Variants in OR4C15 observed in about 807,000 individuals in gnomAD.
The protein encoded by OR4C15 is olfactory receptor 4C15.
For missense variants in OR4C15, 697 were observed against 377.5 expected (o/e 1.85, Z -7.01); for synonymous variants, 216 against 134.0 (o/e 1.61, Z -4.22).
At position 55,555,190 on chromosome 11, in the gene OR4C15, C is replaced by G. The variant is rs767743476; in HGVS notation, c.722C>G (p.Ser241Cys). The change falls in exon 1 of 1, where the codon TCT (serine) becomes TGT (cysteine). Residue 241 changes from serine to cysteine, a missense_variant. By Grantham distance (112) the Ser-to-Cys change is moderately radical (BLOSUM62 -1). Coordinates refer to ENST00000642128, the MANE Select transcript of OR4C15 (RefSeq NM_001001920.3). Reference protein sequence around the residue: ...GRWKALSTCGSHIAVVILFFV... With the variant: ...GRWKALSTCGCHIAVVILFFV... ...TGGAAAGCTCTCTCCACCTGTGGATCTCACATTGCTGTTGTGATTTTGTTC... is the reference window on the plus strand; with the variant it reads ...TGGAAAGCTCTCTCCACCTGTGGATGTCACATTGCTGTTGTGATTTTGTTC... 1 of 1,613,962 alleles carries G rather than the reference C, an allele frequency of 6.2e-7. No individual in the cohort carries two copies. Among genetic ancestry groups the G allele is most frequent in the Non-Finnish European group, 8.5e-7 (1 of 1,179,932 alleles).
Position 55,554,723 on chromosome 11 carries a change from C to G in OR4C15, c.255C>G (p.Leu85=), listed in dbSNP as rs1285865305. 1 of 1,613,678 alleles carries G rather than the reference C, an allele frequency of 6.2e-7. No individual in the cohort carries two copies. The highest frequency in any genetic ancestry group is 8.5e-7 in the Non-Finnish European group (1 of 1,179,922). ...CCCCAAAGATGATTGTAGACTCCCT[C>G]TATGTGACAAAAACCATCTCTTTTG... The part of the protein sequence containing the change: ...VITPKMIVDS[L]YVTKTISFEG... The change falls in exon 1 of 1, where the codon CTC becomes CTG. Residue 85 remains leucine, a synonymous_variant. Transcript: ENST00000642128.
chr11:55,554,623 C>T lies in OR4C15; in HGVS notation c.155C>T (p.Ala52Val), dbSNP rs17496724. The T allele has an allele frequency of 6.2e-7, 1 of 1,613,814 alleles. No individual in the cohort carries two copies. Among genetic ancestry groups the T allele is most frequent in the Non-Finnish European group, 8.5e-7 (1 of 1,179,926 alleles). ...LIVVTILSSP[A>V]LLVSPMYFFL... Reference sequence around the variant, plus strand: ...GTAGTAACCATTCTCAGCAGCCCTGCTCTTCTGGTGTCTCCTATGTACTTC... The same window carrying T: ...GTAGTAACCATTCTCAGCAGCCCTGTTCTTCTGGTGTCTCCTATGTACTTC... The change falls in exon 1 of 1, where the codon GCT becomes GTT. Residue 52 changes from alanine (A) to valine (V), a missense_variant. Transcript: ENST00000642128.
In OR4C15 at chr11:55,554,751, G is replaced by C. The variant is rs757824020; in HGVS notation, c.283G>C (p.Gly95Arg). 2.5e-6 allele frequency: 4 copies of C among 1,613,786 alleles called. No homozygotes were observed. Among genetic ancestry groups the C allele is most frequent in the Non-Finnish European group, 3.4e-6 (4 of 1,179,928 alleles). Residue 95 changes from glycine (G) to arginine (R), a missense_variant, in exon 1 of 1, where the codon GGC becomes CGC. Physicochemically the swap from Gly to Arg is moderately radical, Grantham distance 125 (BLOSUM62 -2). Transcript: ENST00000642128. ...LYVTKTISFE[G>R]CMMQLFAEHF... ...TGTGACAAAAACCATCTCTTTTGAAGGCTGCATGATGCAGCTCTTTGCTGA... is the reference window on the plus strand; with the variant it reads ...TGTGACAAAAACCATCTCTTTTGAACGCTGCATGATGCAGCTCTTTGCTGA...
chr11:55,554,694 A>G lies in OR4C15; in HGVS notation c.226A>G (p.Ile76Val), dbSNP rs367746369. The change falls in exon 1 of 1, where the codon ATC becomes GTC. Residue 76 changes from isoleucine (I) to valine (V), a missense_variant. Ile to Val is a conservative substitution (Grantham distance 29, BLOSUM62 3). Coordinates refer to ENST00000642128, the MANE Select transcript of OR4C15 (RefSeq NM_001001920.3). ...SFLDACFSSV[I>V]TPKMIVDSLY... ...CCTGGATGCGTGCTTCTCATCTGTC[A>G]TCACCCCAAAGATGATTGTAGACTC... 72 of 1,613,272 alleles carry G rather than the reference A, an allele frequency of 4.5e-5. No individual in the cohort carries two copies. The highest frequency in any genetic ancestry group is 5.2e-5 in the Non-Finnish European group (61 of 1,179,938).
At position 55,555,175 on chromosome 11, in the gene OR4C15, T is replaced by C. The variant is rs771739844; in HGVS notation, c.707T>C (p.Leu236Pro). 116 of 1,613,880 alleles carry C rather than the reference T, an allele frequency of 7.2e-5. 1 individual carries two copies. The Admixed American group carries it at 1.9e-3, about 27-fold the overall frequency. ...THSSEGRWKA[L>P]STCGSHIAVV... ...AGTTCTGAAGGGCGCTGGAAAGCTCTCTCCACCTGTGGATCTCACATTGCT... is the reference window on the plus strand; with the variant it reads ...AGTTCTGAAGGGCGCTGGAAAGCTCCCTCCACCTGTGGATCTCACATTGCT... Residue 236 changes from leucine (L) to proline (P), a missense_variant, in exon 1 of 1, where the codon CTC becomes CCC. By Grantham distance (98) the Leu-to-Pro change is moderately conservative. Transcript: ENST00000642128.
At position 55,554,812 on chromosome 11, in the gene OR4C15, C is replaced by A. The variant is rs747177323; in HGVS notation, c.344C>A (p.Thr115Lys). ...FFAGVEVIVL[T>K]AMAYDRYVAI... ...GCTGGGGTGGAGGTGATTGTCCTCA[C>A]AGCCATGGCCTATGATCGTTATGTG... is the stretch of plus-strand genomic sequence containing the variant. Residue 115 changes from threonine (T) to lysine (K), a missense_variant, in exon 1 of 1, where the codon ACA becomes AAA. By Grantham distance (78) the Thr-to-Lys change is moderately conservative. Coordinates refer to ENST00000642128, the MANE Select transcript of OR4C15 (RefSeq NM_001001920.3). 1.9e-6 allele frequency: 3 copies of A among 1,614,002 alleles called. No homozygotes were observed. The highest frequency in any genetic ancestry group is 2.5e-6 in the Non-Finnish European group (3 of 1,179,960).
Position 55,555,212 on chromosome 11 carries a change from G to A in OR4C15, c.744G>A (p.Leu248=). The change falls in exon 1 of 1, where the codon TTG becomes TTA. Residue 248 remains leucine, a synonymous_variant. Transcript: ENST00000642128. ...GATCTCACATTGCTGTTGTGATTTT[G>A]TTCTTTGTCCCATGCATATTTGTAT... The part of the protein sequence containing the change: ...TCGSHIAVVI[L]FFVPCIFVYT... 6.2e-7 allele frequency: 1 copy of A among 1,613,848 alleles called. No individual in the cohort carries two copies. The highest frequency in any genetic ancestry group is 8.5e-7 in the Non-Finnish European group (1 of 1,179,912).
Position 55,555,309 on chromosome 11 carries a change from C to A in OR4C15, c.841C>A (p.Leu281Ile), listed in dbSNP as rs141977796. 1.2e-6 allele frequency: 2 copies of A among 1,613,710 alleles called. No homozygotes were observed. Among genetic ancestry groups the A allele is most frequent in the African/African-American group, 2.7e-5 (2 of 74,870 alleles). Residue 281 changes from leucine to isoleucine, a missense_variant, in exon 1 of 1, where the codon CTC becomes ATC. Coordinates refer to ENST00000642128, the MANE Select transcript of OR4C15 (RefSeq NM_001001920.3). ...ATTTTATATCATCTTAAATCCCTTG[C>A]TCAATCCTTTGATTTACACTTTCAG... ...AIFYIILNPL[L>I]NPLIYTFRNK...
rs746819415 is a variant in OR4C15, at chr11:55,555,217, T to C, written c.749T>C (p.Phe250Ser). Residue 250 changes from phenylalanine (F) to serine (S), a missense_variant, in exon 1 of 1, where the codon TTT (phenylalanine) becomes TCT (serine). By Grantham distance (155) the Phe-to-Ser change is radical. Coordinates refer to ENST00000642128, the MANE Select transcript of OR4C15 (RefSeq NM_001001920.3). ...GSHIAVVILF[F>S]VPCIFVYTRP... ...CACATTGCTGTTGTGATTTTGTTCT[T>C]TGTCCCATGCATATTTGTATATACA... 2 of 1,613,850 alleles carry C rather than the reference T, an allele frequency of 1.2e-6. No individual in the cohort carries two copies. Among genetic ancestry groups the C allele is most frequent in the Non-Finnish European group, 1.7e-6 (2 of 1,179,948 alleles).
rs1361645801 is a variant in OR4C15, at chr11:55,555,320, G to C, written c.852G>C (p.Leu284Phe). The change falls in exon 1 of 1, where the codon TTG becomes TTC. Residue 284 changes from leucine (L) to phenylalanine (F), a missense_variant. By Grantham distance (22) the Leu-to-Phe change is conservative. Transcript: ENST00000642128. ...YIILNPLLNP[L>F]IYTFRNKEVK... is the part of the protein sequence containing the mutation. ...TCTTAAATCCCTTGCTCAATCCTTTGATTTACACTTTCAGGAATAAGGAAG... is the reference window on the plus strand; with the variant it reads ...TCTTAAATCCCTTGCTCAATCCTTTCATTTACACTTTCAGGAATAAGGAAG... 3.0e-5 allele frequency: 49 copies of C among 1,613,610 alleles called. No homozygotes were observed. The highest frequency in any genetic ancestry group is 4.2e-5 in the Non-Finnish European group (49 of 1,179,876).
Position 55,555,337 on chromosome 11 carries a change from A to G in OR4C15, c.869A>G (p.Asn290Ser), listed in dbSNP as rs751706897. 25 of 1,613,626 alleles carry G rather than the reference A, an allele frequency of 1.5e-5. No homozygotes were observed. Among genetic ancestry groups the G allele is most frequent in the Non-Finnish European group, 2.0e-5 (24 of 1,179,758 alleles). Reference sequence around the variant, plus strand: ...AATCCTTTGATTTACACTTTCAGGAATAAGGAAGTAAAACAGGCCATGAGG... The same window carrying G: ...AATCCTTTGATTTACACTTTCAGGAGTAAGGAAGTAAAACAGGCCATGAGG... Reference protein sequence around the residue: ...LLNPLIYTFRNKEVKQAMRRI... With the variant: ...LLNPLIYTFRSKEVKQAMRRI... The change falls in exon 1 of 1, where the codon AAT (asparagine) becomes AGT (serine). Residue 290 changes from asparagine (N) to serine (S), a missense_variant. Asn to Ser is a conservative substitution (Grantham distance 46). Transcript: ENST00000642128.
chr11:55,555,183 T>C lies in OR4C15; in HGVS notation c.715T>C (p.Cys239Arg). Residue 239 changes from cysteine to arginine, a missense_variant, in exon 1 of 1, where the codon TGT becomes CGT. Transcript: ENST00000642128. ...SEGRWKALST[C>R]GSHIAVVILF... Reference sequence around the variant, plus strand: ...AGGGCGCTGGAAAGCTCTCTCCACCTGTGGATCTCACATTGCTGTTGTGAT... The same window carrying C: ...AGGGCGCTGGAAAGCTCTCTCCACCCGTGGATCTCACATTGCTGTTGTGAT... The C allele has an allele frequency of 6.2e-7, 1 of 1,613,990 alleles. No homozygotes were observed. Among genetic ancestry groups the C allele is most frequent in the Non-Finnish European group, 8.5e-7 (1 of 1,179,948 alleles).
rs1857129658 is a variant in OR4C15, at chr11:55,555,099, T to A, written c.631T>A (p.Ser211Thr). ...NSGFICIINF[S>T]LLLVSYAVIL... is the part of the protein sequence containing the mutation. Reference sequence around the variant, plus strand: ...TGGGTTTATCTGCATCATAAACTTCTCCTTGTTGCTTGTCTCCTATGCTGT... The same window carrying A: ...TGGGTTTATCTGCATCATAAACTTCACCTTGTTGCTTGTCTCCTATGCTGT... The change falls in exon 1 of 1, where the codon TCC (serine) becomes ACC (threonine). Residue 211 changes from serine (S) to threonine (T), a missense_variant. By Grantham distance (58) the Ser-to-Thr change is moderately conservative. Coordinates refer to ENST00000642128, the MANE Select transcript of OR4C15 (RefSeq NM_001001920.3). 1 of 1,613,964 alleles carries A rather than the reference T, an allele frequency of 6.2e-7. No individual in the cohort carries two copies. The highest frequency in any genetic ancestry group is 1.3e-5 in the African/African-American group (1 of 75,018).
Position 55,554,952 on chromosome 11 carries a change from A to G in OR4C15, c.484A>G (p.Thr162Ala). ...GCATTCCATGATACAAATTCTTTTT[A>G]CTTTCCAGCTTCCCTTTTGTGGCCC... The part of the protein sequence containing the change: ...LLHSMIQILF[T>A]FQLPFCGPNV... Residue 162 changes from threonine (T) to alanine (A), a missense_variant, in exon 1 of 1, where the codon ACT becomes GCT. Coordinates refer to ENST00000642128, the MANE Select transcript of OR4C15 (RefSeq NM_001001920.3). 1 of 1,613,904 alleles carries G rather than the reference A, an allele frequency of 6.2e-7. No homozygotes were observed. The highest frequency in any genetic ancestry group is 1.1e-5 in the South Asian group (1 of 91,074).
Position 55,554,594 on chromosome 11 carries a change from A to G in OR4C15, c.126A>G (p.Leu42=). 6.2e-7 allele frequency: 1 copy of G among 1,613,944 alleles called. No homozygotes were observed. Among genetic ancestry groups the G allele is most frequent in the Non-Finnish European group, 8.5e-7 (1 of 1,179,956 alleles). The stretch of plus-strand genomic sequence containing the variant: ...TTGCAACTGTTGGGGGCAACATGCT[A>G]ATTGTAGTAACCATTCTCAGCAGCC... ...VYIATVGGNM[L]IVVTILSSPA... Residue 42 remains leucine, a synonymous_variant, in exon 1 of 1, where the codon CTA becomes CTG. Coordinates refer to ENST00000642128, the MANE Select transcript of OR4C15 (RefSeq NM_001001920.3).
rs1489585515 is a variant in OR4C15 at position 55,555,152 on chromosome 11, T to C, written c.684T>C (p.Ser228=). 2 of 1,605,372 alleles carry C rather than the reference T, an allele frequency of 1.2e-6. No individual in the cohort carries two copies. Among genetic ancestry groups the C allele is most frequent in the East Asian group, 2.2e-5 (1 of 44,864 alleles). The change falls in exon 1 of 1, where the codon AGT becomes AGC. Residue 228 remains serine, a synonymous_variant. Transcript: ENST00000642128. ...TCTTGCTCTCTCTGAGAACACACAG[T>C]TCTGAAGGGCGCTGGAAAGCTCTCT... ...AVILLSLRTH[S]SEGRWKALST... is the part of the protein sequence containing the mutation.
At position 55,554,622 on chromosome 11, in the gene OR4C15, G is replaced by T. The variant is rs781591991; in HGVS notation, c.154G>T (p.Ala52Ser). 1 of 1,613,846 alleles carries T rather than the reference G, an allele frequency of 6.2e-7. No homozygotes were observed. Among genetic ancestry groups the T allele is most frequent in the Non-Finnish European group, 8.5e-7 (1 of 1,179,958 alleles). ...TGTAGTAACCATTCTCAGCAGCCCT[G>T]CTCTTCTGGTGTCTCCTATGTACTT... ...LIVVTILSSP[A>S]LLVSPMYFFL... Residue 52 changes from alanine (A) to serine (S), a missense_variant, in exon 1 of 1, where the codon GCT (alanine) becomes TCT (serine). Ala to Ser is a moderately conservative substitution (Grantham distance 99). Coordinates refer to ENST00000642128, the MANE Select transcript of OR4C15 (RefSeq NM_001001920.3).
Position 55,554,744 on chromosome 11 carries a change from T to G in OR4C15, c.276T>G (p.Ser92=). The change falls in exon 1 of 1, where the codon TCT becomes TCG. Residue 92 remains serine (S), a synonymous_variant. Transcript: ENST00000642128. ...VDSLYVTKTI[S]FEGCMMQLFA... ...CCCTCTATGTGACAAAAACCATCTCTTTTGAAGGCTGCATGATGCAGCTCT... is the reference window on the plus strand; with the variant it reads ...CCCTCTATGTGACAAAAACCATCTCGTTTGAAGGCTGCATGATGCAGCTCT... The G allele has an allele frequency of 6.2e-7, 1 of 1,613,938 alleles. No individual in the cohort carries two copies. Among genetic ancestry groups the G allele is most frequent in the South Asian group, 1.1e-5 (1 of 91,084 alleles).
At position 55,555,065 on chromosome 11, in the gene OR4C15, C is replaced by A. The variant is rs147994367; in HGVS notation, c.597C>A (p.Val199=). The change falls in exon 1 of 1, where the codon GTC becomes GTA. Residue 199 remains valine (V), a synonymous_variant. Transcript: ENST00000642128. ...TDTHIFGLMV[V]INSGFICIIN... is the part of the protein sequence containing the mutation. ...CTCACATCTTTGGCCTCATGGTGGT[C>A]ATCAACAGTGGGTTTATCTGCATCA... 6.2e-7 allele frequency: 1 copy of A among 1,613,712 alleles called. No homozygotes were observed. Among genetic ancestry groups the A allele is most frequent in the Non-Finnish European group, 8.5e-7 (1 of 1,179,944 alleles).
Sources: allele counts gnomAD v4.1 joint callset, GRCh38; gene constraint gnomAD v4.1.1; transcripts MANE v1.5; gene names NCBI Gene and HGNC (gene_info 2026-07-23, HGNC 2026-07-21).